ROBO2: variants seen among roughly 807,000 people sequenced by gnomAD.
ROBO2 encodes roundabout homolog 2.
ROBO2 carries 53 observed loss-of-function variants against 160.8 expected under a neutral mutation model. The ratio of observed to expected loss-of-function variants is 0.33; its 90% CI spans 0.26 to 0.41. The LOEUF (loss-of-function observed/expected upper bound fraction) is 0.41, where lower values mean the gene tolerates loss of function less well. Among genes scored for constraint, ROBO2 ranks in the 10% least tolerant of loss-of-function variants. The probability of loss-of-function intolerance (pLI) is 1.00; values close to 1 mark genes in which losing one functional copy is unlikely to be tolerated. For synonymous variants in ROBO2, 664 were observed against 611.7 expected (o/e 1.09, Z -1.26); for missense variants, 1,577 against 1,722.4 (o/e 0.92, Z 1.49).
At chr3:76,468,361 C>T (rs541011925) in intron 2 of ROBO2, among the ~76,000 whole-genome samples, 106 of 152,184 alleles carry the variant, frequency 7.0e-4, no homozygotes, top group Non-Finnish European at 1.1e-3. Flanking sequence ...CCTGTTTATT[C>T]GTTGCCTCTT....
chr3:76,014,689 A>T (rs1309644968), intron 2 of ROBO2, among the ~76,000 whole-genome samples: 3 of 152,194 alleles, frequency 2.0e-5, no homozygotes. Context: ...GCACTTTGGG[A>T]GGCCCAGGTG....
At chr3:76,469,083 TAA>T (rs2078512808) in intron 2 of ROBO2, among the ~76,000 whole-genome samples, 1 of 152,112 alleles carries the variant, frequency 6.6e-6, no homozygotes, top group Non-Finnish European at 1.5e-5. Context: ...ATTAATGAAT[TAA>T]GTCAATTAAT....
intron 5 of ROBO2, among the ~76,000 whole-genome samples, chr3:77,512,947 C>T (rs1333104090): frequency 7.9e-5 from 12 of 151,860 alleles, no homozygotes; most frequent in Admixed American, 4.6e-4. Context: ...TAATTCAAAA[C>T]ACTTGTTCTA....
At chr3:77,491,502 C>T (rs1466824471) in intron 4 of ROBO2, among the ~76,000 whole-genome samples, 1 of 152,098 alleles carries the variant, frequency 6.6e-6, no homozygotes, top group African/African-American at 2.4e-5. Context: ...TATATTAATC[C>T]TATTGCCTAT....
At chr3:76,919,531 C>T (rs1039755131) in intron 2 of ROBO2, among the ~76,000 whole-genome samples, 5 of 152,066 alleles carry the variant, frequency 3.3e-5, no homozygotes, top group Admixed American at 6.6e-5. Context: ...CTGACATTTT[C>T]TGTAACTTGT....
intron 2 of ROBO2, among the ~76,000 whole-genome samples, chr3:76,222,353 A>G (rs1253250246): frequency 1.3e-5 from 2 of 152,172 alleles, no homozygotes; most frequent in African/African-American, 4.8e-5. Flanking sequence ...AATGAAAGGA[A>G]GGAAAGAAAG....
intron 2 of ROBO2, among the ~76,000 whole-genome samples, chr3:76,966,429 A>C (rs2149261625): frequency 6.6e-6 from 1 of 152,342 alleles, no homozygotes; most frequent in South Asian, 2.1e-4. Flanking sequence ...CAAAATCATA[A>C]GCCAGTAAAT....
At chr3:77,121,260 T>A (rs1458082811) in intron 2 of ROBO2, among the ~76,000 whole-genome samples, 1 of 152,188 alleles carries the variant, frequency 6.6e-6, no homozygotes, top group Non-Finnish European at 1.5e-5. Context: ...ATTATTATGC[T>A]GACCTGAATA....
chr3:76,154,394 A>G (rs1340687905), intron 2 of ROBO2, among the ~76,000 whole-genome samples: 1 of 152,114 alleles, frequency 6.6e-6, no homozygotes, highest in Admixed American at 6.6e-5. Flanking sequence ...AGATGATTAC[A>G]CTACCTTGGA....
At chr3:76,951,599 T>A (rs2078958669) in intron 2 of ROBO2, among the ~76,000 whole-genome samples, 1 of 152,152 alleles carries the variant, frequency 6.6e-6, no homozygotes, top group Non-Finnish European at 1.5e-5. Flanking sequence ...CTTTTTAAAG[T>A]GTTATTTTTT....
At chr3:76,482,664 T>TC (rs1274825716) in intron 2 of ROBO2, among the ~76,000 whole-genome samples, 4 of 152,120 alleles carry the variant, frequency 2.6e-5, no homozygotes, top group Non-Finnish European at 5.9e-5. Context: ...TATGGACAAC[T>TC]CCATCTCACT....
At chr3:77,214,489 A>G (rs557087449) in intron 2 of ROBO2, among the ~76,000 whole-genome samples, 85 of 152,224 alleles carry the variant, frequency 5.6e-4, no homozygotes, top group African/African-American at 1.8e-3. Flanking sequence ...ACATGAGATC[A>G]GTTTCCTGAA....
chr3:77,073,665 A>C (rs2067645504), intron 1 of ROBO2, among the ~76,000 whole-genome samples: 1 of 152,216 alleles, frequency 6.6e-6, no homozygotes, highest in South Asian at 2.1e-4. Context: ...CTCCTTGAGC[A>C]TACAGAGTTG....
chr3:76,884,884 A>G (rs894842277), intron 2 of ROBO2, among the ~76,000 whole-genome samples: 2 of 152,146 alleles, frequency 1.3e-5, no homozygotes, highest in African/African-American at 2.4e-5. Flanking sequence ...AACAGAAATG[A>G]TAAATATAAG....
chr3:76,897,390 C>CAT (rs1225485255), intron 2 of ROBO2, among the ~76,000 whole-genome samples: 1 of 152,050 alleles, frequency 6.6e-6, no homozygotes, highest in Non-Finnish European at 1.5e-5. Context: ...CCTGGAAATT[C>CAT]TATCCATGAA....
chr3:76,428,872 C>T (rs1269573032), intron 2 of ROBO2, among the ~76,000 whole-genome samples: 2 of 152,126 alleles, frequency 1.3e-5, no homozygotes, highest in Non-Finnish European at 2.9e-5. Flanking sequence ...GTCATCTTCA[C>T]GGTCGTGGGA....
At chr3:76,773,902 A>G (rs996020116) in intron 2 of ROBO2, among the ~76,000 whole-genome samples, 5 of 150,818 alleles carry the variant, frequency 3.3e-5, no homozygotes, top group African/African-American at 1.2e-4. Context: ...ATGAGCTATA[A>G]ATTACCATTT....
At chr3:77,356,237 T>A (rs994520956) in intron 2 of ROBO2, among the ~76,000 whole-genome samples, 26 of 152,176 alleles carry the variant, frequency 1.7e-4, no homozygotes, top group Non-Finnish European at 3.4e-4. Context: ...GAAAGTTCTA[T>A]GTTAAATGAA....
At chr3:76,471,288 T>C (rs2107065639) in intron 2 of ROBO2, among the ~76,000 whole-genome samples, 1 of 152,300 alleles carries the variant, frequency 6.6e-6, no homozygotes, top group South Asian at 2.1e-4. Flanking sequence ...ATTTTGCTCT[T>C]AGACTAGACA....
Sources: allele counts gnomAD v4.1 joint callset (sites outside exome capture counted in the v4.1 genomes callset), GRCh38; gene constraint gnomAD v4.1.1; transcripts MANE v1.5; gene names NCBI Gene and HGNC (gene_info 2026-07-23, HGNC 2026-07-21).